Variants in TRDN observed in about 807,000 individuals in gnomAD.
TRDN encodes triadin in skeletal muscle.
A neutral mutation model predicts 149.7 loss-of-function variants in TRDN; 161 were observed. The observed-to-expected ratio is 1.08, with a 90% confidence interval of 0.95 to 1.23. TRDN has a LOEUF of 1.23. TRDN is among the 50% of genes most tolerant of loss of function. The pLI, the probability that TRDN is intolerant of heterozygous loss-of-function variation, is 0.00. For missense variants in TRDN, 896 were observed against 823.5 expected (o/e 1.09, Z -1.08); for synonymous variants, 294 against 250.5 (o/e 1.17, Z -1.64).
rs374219600 is a variant in TRDN, at chr6:123,508,685, G to A, written c.610+3618C>T. On this transcript the variant is annotated intron_variant, in intron 7 of 40. Coordinates refer to ENST00000334268, the MANE Select transcript of TRDN (RefSeq NM_006073.4). ...ATATGTATCAAGGTAGACATTAAAG[G>A]TCTACTCTTCCCCAGGAGGAATCCC... is the stretch of plus-strand genomic sequence containing the variant. 2.4e-4 allele frequency among the ~76,000 whole-genome samples: 37 copies of A among 152,244 alleles called. 1 individual carries two copies. The highest frequency in any genetic ancestry group is 8.7e-4 in the African/African-American group (36 of 41,538).
chr6:123,500,395 C>G lies in TRDN; in HGVS notation c.794-3143G>C, dbSNP rs139050789. ...ATGTGTTGGGAAGTCTCCAGTTTAT[C>G]TGCTTAACCTATCTAAGAATACAGA... On this transcript the variant is annotated intron_variant, in intron 8 of 40. Coordinates refer to ENST00000334268, the MANE Select transcript of TRDN (RefSeq NM_006073.4). Among the ~76,000 whole-genome samples the G allele has an allele frequency of 1.6e-3, 245 of 152,180 alleles. 1 individual carries two copies. The highest frequency in any genetic ancestry group is 5.5e-3 in the African/African-American group (229 of 41,528).
chr6:123,526,976 C>T (rs1333096660), intron 5 of TRDN, among the ~76,000 whole-genome samples: 3 of 151,944 alleles, frequency 2.0e-5, no homozygotes, highest in Non-Finnish European at 4.4e-5. Context: ...AAGTACATTT[C>T]ATAATTATTT....
intron 24 of TRDN, among the ~76,000 whole-genome samples, chr6:123,288,450 T>C (rs900097575): frequency 2.6e-5 from 4 of 151,928 alleles, no homozygotes; most frequent in Admixed American, 6.6e-5. Context: ...AGACAACCTA[T>C]GGAATGGGAG....
intron 5 of TRDN, among the ~76,000 whole-genome samples, chr6:123,529,997 A>G (rs532112730): frequency 1.3e-5 from 2 of 152,154 alleles, no homozygotes; most frequent in Non-Finnish European, 2.9e-5. Flanking sequence ...TGAAAGTGAT[A>G]TTAATCATCA....
chr6:123,322,470 A>G (rs1779276990), intron 23 of TRDN, among the ~76,000 whole-genome samples: 1 of 152,088 alleles, frequency 6.6e-6, no homozygotes, highest in African/African-American at 2.4e-5. Flanking sequence ...AGACTAAATG[A>G]TTTAACAAAT....
rs919195476 is a variant in TRDN at position 123,273,339 on chromosome 6, T to C, written c.1622A>G (p.His541Arg). ...KPAISEKVQI[H>R]KQDIVKPEKT... ...TAAAAGATAAAATTAATACATACTG[T>C]GTATTTGCACTTTTTCAGATATAGC... is the stretch of plus-strand genomic sequence containing the variant. The change falls in exon 28 of 41, where the codon CAC becomes CGC. Residue 541 changes from histidine to arginine, a missense_variant and splice_region_variant. Transcript: ENST00000334268. 3 of 1,062,668 alleles carry C rather than the reference T, an allele frequency of 2.8e-6. No homozygotes were observed. In the African/African-American group the frequency reaches 5.1e-5, roughly 18 times the overall value. 65.8% of individuals were successfully genotyped at this position (1,062,668 alleles called of 1,614,324 possible). A position where few individuals can be genotyped will look rare whatever the true frequency, so the allele number is the denominator to read the frequency against.
intron 24 of TRDN, among the ~76,000 whole-genome samples, chr6:123,283,763 C>T (rs1435042047): frequency 6.7e-6 from 1 of 149,992 alleles, no homozygotes; most frequent in Non-Finnish European, 1.5e-5. Context: ...GAATTAGAAA[C>T]CCCCAACAGA....
At chr6:123,219,451 A>T (rs535535698) in intron 40 of TRDN, among the ~76,000 whole-genome samples, 33 of 151,820 alleles carry the variant, frequency 2.2e-4, no homozygotes, top group East Asian at 5.9e-4. Context: ...TATCCTATCC[A>T]TTTGCATTCT....
At chr6:123,514,386 G>C (rs939412077) in intron 6 of TRDN, among the ~76,000 whole-genome samples, 1 of 151,992 alleles carries the variant, frequency 6.6e-6, no homozygotes, top group African/African-American at 2.4e-5. Context: ...TTAAACTTGA[G>C]GAAAATATTG....
chr6:123,552,193 G>A (rs1040321385), intron 2 of TRDN, among the ~76,000 whole-genome samples: 9 of 152,008 alleles, frequency 5.9e-5, no homozygotes, highest in African/African-American at 1.7e-4. Flanking sequence ...ACTGAATGCC[G>A]GGAAAACTGC....
chr6:123,593,327 G>A (rs149663779), intron 1 of TRDN, among the ~76,000 whole-genome samples: 1 of 152,266 alleles, frequency 6.6e-6, no homozygotes, highest in South Asian at 2.1e-4. Flanking sequence ...GAGCACTTCG[G>A]TAATAAAATG....
intron 1 of TRDN, among the ~76,000 whole-genome samples, chr6:123,581,123 A>G (rs1783099683): frequency 6.6e-6 from 1 of 152,142 alleles, no homozygotes; most frequent in African/African-American, 2.4e-5. Context: ...TTACAGGTGA[A>G]GCCCATTGCA....
intron 38 of TRDN, among the ~76,000 whole-genome samples, chr6:123,245,144 C>A (rs1030011048): frequency 6.6e-6 from 1 of 152,086 alleles, no homozygotes. Flanking sequence ...CAAAAACATA[C>A]CAAAATGTGA....
intron 10 of TRDN, among the ~76,000 whole-genome samples, chr6:123,442,959 T>C (rs7767364): frequency 0.15 from 22,812 of 152,048 alleles, 2,427 homozygotes; most frequent in African/African-American, 0.3. Context: ...TAGATGAATG[T>C]TGTATCTTCT....
At chr6:123,443,152 T>G (rs975164648) in intron 10 of TRDN, among the ~76,000 whole-genome samples, 2 of 151,628 alleles carry the variant, frequency 1.3e-5, no homozygotes, top group Non-Finnish European at 2.9e-5. Flanking sequence ...TTGATATGGC[T>G]TAAAATTGTT....
At chr6:123,329,309 T>C (rs578033869) in intron 23 of TRDN, among the ~76,000 whole-genome samples, 8 of 152,336 alleles carry the variant, frequency 5.3e-5, no homozygotes, top group Admixed American at 2.0e-4. Context: ...GATTAATTTC[T>C]CATTTAATTG....
chr6:123,503,664 TTCTTGCCCAATATTC>T (rs1398377509), intron 8 of TRDN, 40 bp downstream of exon 8: 1 of 1,609,372 alleles, frequency 6.2e-7, no homozygotes, highest in East Asian at 2.2e-5. Flanking sequence ...CTGCATGTGC[TTCTTGCCCAATATTC>T]TCTTAGAACC....
intron 18 of TRDN, among the ~76,000 whole-genome samples, chr6:123,376,541 G>A (rs561852014): frequency 1.9e-3 from 287 of 152,034 alleles, no homozygotes; most frequent in African/African-American, 6.5e-3. Context: ...AAAAACAGTC[G>A]GCTTCTTCCA....
chr6:123,498,553 G>A (rs766433372), intron 8 of TRDN: 42 of 470,950 alleles, frequency 8.9e-5, no homozygotes, highest in Middle Eastern at 3.2e-4. Context: ...GGAATGGGAA[G>A]GAGGCTAGTC....
Sources: allele counts gnomAD v4.1 joint callset (sites outside exome capture counted in the v4.1 genomes callset), GRCh38; gene constraint gnomAD v4.1.1; transcripts MANE v1.5; gene names NCBI Gene and HGNC (gene_info 2026-07-23, HGNC 2026-07-21).